P2RY8: variants seen among roughly 807,000 people sequenced by gnomAD.
P2RY8 encodes P2Y receptor family member 8, also known as S-geranylgeranyl-glutathione receptor P2RY8.
Under a neutral mutation model 10.0 loss-of-function variants are expected in P2RY8, and 6 were observed. The observed-to-expected ratio is 0.60, with a 90% confidence interval of 0.33 to 1.19. P2RY8 has a LOEUF of 1.19. P2RY8 is among the 50% of genes most tolerant of loss of function. P2RY8 has a pLI of 0.04. For missense variants in P2RY8, 456 were observed against 542.0 expected (o/e 0.84, Z 1.58); for synonymous variants, 276 against 252.5 (o/e 1.09, Z -0.88).
intron 1 of P2RY8, among the ~76,000 whole-genome samples, chrX:1,513,982 C>CAA (rs1372557762): frequency 2.6e-5 from 4 of 152,220 alleles, no homozygotes; most frequent in Non-Finnish European, 5.9e-5. Flanking sequence ...AAGACTTTTT[C>CAA]AGCAAACAAA....
At chrX:1,474,483 T>C (rs1245961584) in intron 1 of P2RY8, among the ~76,000 whole-genome samples, 1 of 105,874 alleles carries the variant, frequency 9.4e-6, no homozygotes, top group Admixed American at 9.9e-5. Flanking sequence ...GTATGATGAA[T>C]GGATGAGGAT....
chrX:1,479,209 C>T (rs773020349), intron 1 of P2RY8, among the ~76,000 whole-genome samples: 61 of 152,336 alleles, frequency 4.0e-4, no homozygotes, highest in South Asian at 1.0e-3. Context: ...TCTGGGAGTT[C>T]GTTTGCTCTG....
chrX:1,476,604 A>G (rs1169811125), intron 1 of P2RY8, among the ~76,000 whole-genome samples: 1 of 147,132 alleles, frequency 6.8e-6, no homozygotes, highest in African/African-American at 2.5e-5. Context: ...AAAAAAAAAA[A>G]GAAATATAAT....
chrX:1,525,335 A>T (rs2092432724), intron 1 of P2RY8, among the ~76,000 whole-genome samples: 1 of 152,156 alleles, frequency 6.6e-6, no homozygotes, highest in African/African-American at 2.4e-5. Context: ...ATCATACTGC[A>T]TTTGGGTGGG....
chrX:1,493,469 A>G (rs2092086524), intron 1 of P2RY8, among the ~76,000 whole-genome samples: 3 of 133,742 alleles, frequency 2.2e-5, no homozygotes, highest in South Asian at 2.8e-4. Context: ...GGGAGGAGGG[A>G]GGGAGGGAAG....
Position 1,466,042 on chromosome X carries a change from T to C in P2RY8, c.517A>G (p.Ile173Val). 1 of 1,611,790 alleles carries C rather than the reference T, an allele frequency of 6.2e-7. No individual in the cohort carries two copies. The highest frequency in any genetic ancestry group is 8.5e-7 in the Non-Finnish European group (1 of 1,179,742). ...LTYPVHALGI[I>V]TCFDVLKWTM... ...CACTTGAGGACGTCGAAGCAGGTGA[T>C]GATGCCCAGGGCGTGCACCGGGTAG... Residue 173 changes from isoleucine to valine, a missense_variant, in exon 2 of 2, where the codon ATC (isoleucine) becomes GTC (valine). Transcript: ENST00000381297.
Position 1,466,124 on chromosome X carries a change from T to G in P2RY8, c.435A>C (p.Ala145=). The G allele has an allele frequency of 6.2e-7, 1 of 1,611,706 alleles. No homozygotes were observed. Among genetic ancestry groups the G allele is most frequent in the Non-Finnish European group, 8.5e-7 (1 of 1,179,432 alleles). The part of the protein sequence containing the change: ...RRRRYAVAAC[A]GTWLLLLTAL... ...CGGTCAGGAGCAGCAGCCAGGTCCCTGCACACGCGGCCACCGCGTAACGAC... is the reference window on the plus strand; with the variant it reads ...CGGTCAGGAGCAGCAGCCAGGTCCCGGCACACGCGGCCACCGCGTAACGAC... The change falls in exon 2 of 2, where the codon GCA becomes GCC. Residue 145 remains alanine (A), a synonymous_variant. Coordinates refer to ENST00000381297, the MANE Select transcript of P2RY8 (RefSeq NM_178129.5).
intron 1 of P2RY8, among the ~76,000 whole-genome samples, chrX:1,514,896 TCCCCTCCCCTCC>T (rs1182459218): frequency 4.7e-5 from 1 of 21,464 alleles, no homozygotes; most frequent in Non-Finnish European, 9.4e-5. Context: ...CCCCTCCCCT[TCCCCTCCCCTCC>T]CCTTCCCTTC....
intron 1 of P2RY8, among the ~76,000 whole-genome samples, chrX:1,512,198 C>G (rs1197416134): frequency 6.6e-6 from 1 of 152,090 alleles, no homozygotes; most frequent in Non-Finnish European, 1.5e-5. Context: ...GGTGAAGAGT[C>G]TGAGATTAAG....
At chrX:1,535,185 T>TTTC in intron 1 of P2RY8, among the ~76,000 whole-genome samples, 1 of 1,194 alleles carries the variant, frequency 8.4e-4, no homozygotes, top group Non-Finnish European at 3.6e-3. Flanking sequence ...GGATAATTCC[T>TTTC]TTTTTTTTTT....
In P2RY8 at chrX:1,465,585, A is replaced by G; in HGVS notation, c.974T>C (p.Leu325Pro). Residue 325 changes from leucine (L) to proline (P), a missense_variant, in exon 2 of 2, where the codon CTC (leucine) becomes CCC (proline). Transcript: ENST00000381297. ...CACGGACGTGGTCCTGGCGGAGAAG[A>G]GGCTCTCGCGGCGCGTGTCCAGGGT... is the stretch of plus-strand genomic sequence containing the variant. ...RDTLDTRRES[L>P]FSARTTSVRS... is the part of the protein sequence containing the mutation. The G allele has an allele frequency of 6.2e-7, 1 of 1,612,884 alleles. No individual in the cohort carries two copies. Among genetic ancestry groups the G allele is most frequent in the Non-Finnish European group, 8.5e-7 (1 of 1,179,774 alleles).
At chrX:1,483,645 A>G (rs149398367) in intron 1 of P2RY8, among the ~76,000 whole-genome samples, 8,747 of 151,964 alleles carry the variant, frequency 0.058, 607 homozygotes, top group African/African-American at 0.17. Context: ...AAGAGAGAGA[A>G]AAAAAAGAAA....
chrX:1,466,283 C>T lies in P2RY8; in HGVS notation c.276G>A (p.Gly92=). The change falls in exon 2 of 2, where the codon GGG becomes GGA. Residue 92 remains glycine, a synonymous_variant. Transcript: ENST00000381297. ...YHCNRHHWVF[G]VLLCNVVTVA... ...CGGTCACCACGTTGCAAAGCAGCAC[C>T]CCGAATACCCAGTGGTGGCGGTTGC... The T allele has an allele frequency of 1.9e-6, 3 of 1,613,890 alleles. No individual in the cohort carries two copies. Among genetic ancestry groups the T allele is most frequent in the Non-Finnish European group, 2.5e-6 (3 of 1,179,860 alleles).
intron 1 of P2RY8, among the ~76,000 whole-genome samples, chrX:1,523,662 T>C: frequency 6.6e-6 from 1 of 152,240 alleles, no homozygotes; most frequent in East Asian, 1.9e-4. Context: ...TGCGTTGTAT[T>C]GAAGATGGTA....
At chrX:1,506,200 C>T (rs867519856) in intron 1 of P2RY8, among the ~76,000 whole-genome samples, 15 of 151,898 alleles carry the variant, frequency 9.9e-5, no homozygotes, top group African/African-American at 3.4e-4. Context: ...GCCATGTTGG[C>T]CAGGCTGGTC....
intron 1 of P2RY8, among the ~76,000 whole-genome samples, chrX:1,529,941 G>T (rs1381256342): frequency 6.6e-6 from 1 of 151,908 alleles, no homozygotes; most frequent in African/African-American, 2.4e-5. Flanking sequence ...CTGGTGGGTG[G>T]ATCCCGGGGA....
chrX:1,524,347 A>G (rs2092413961), intron 1 of P2RY8, among the ~76,000 whole-genome samples: 1 of 148,680 alleles, frequency 6.7e-6, no homozygotes, highest in African/African-American at 2.5e-5. Context: ...GCATCCATCC[A>G]TTCATCCATC....
At chrX:1,518,468 T>C (rs1353478219) in intron 1 of P2RY8, among the ~76,000 whole-genome samples, 2 of 148,636 alleles carry the variant, frequency 1.3e-5, no homozygotes, top group East Asian at 3.9e-4. Context: ...TATTAAATAT[T>C]TAATATATAT....
chrX:1,526,680 TCATCCATC>T (rs1159146608), intron 1 of P2RY8, among the ~76,000 whole-genome samples: 3 of 151,444 alleles, frequency 2.0e-5, no homozygotes, highest in South Asian at 4.2e-4. Flanking sequence ...TATTCAGCAT[TCATCCATC>T]CATCCATCCA....
Sources: gnomAD v4.1 joint callset for allele counts (sites outside exome capture counted in the v4.1 genomes callset) on GRCh38, gnomAD v4.1.1 for gene constraint, MANE v1.5 for transcripts, NCBI Gene and HGNC (gene_info 2026-07-23, HGNC 2026-07-21) for gene names.